The following ATP11B variants were observed in gnomAD, a reference collection of about 807,000 sequenced individuals.
The protein encoded by ATP11B is ATPase phospholipid transporting 11B (putative), also known as phospholipid-transporting ATPase IF.
ATP11B carries 81 observed loss-of-function variants against 157.8 expected under a neutral mutation model. The ratio of observed to expected loss-of-function variants is 0.51; its 90% confidence interval spans 0.43 to 0.62. The LOEUF is 0.62. Among genes scored for constraint, ATP11B ranks in the 20% least tolerant of loss-of-function variants. The pLI is 0.00. For synonymous variants in ATP11B, 451 were observed against 469.4 expected, an observed-to-expected ratio of 0.96 and a Z score of 0.51; for missense variants, 1,165 against 1,402.2, an observed-to-expected ratio of 0.83 and a Z score of 2.70.
intron 29 of ATP11B, chr3:182,916,220 G>C: frequency 1.0e-6 from 1 of 985,250 alleles, no homozygotes; most frequent in South Asian, 4.7e-5. Flanking sequence ...TTTCCATTGT[G>C]ACTTTAGAGT....
intron 10 of ATP11B, among the ~76,000 whole-genome samples, chr3:182,850,798 G>T (rs188819088): frequency 6.6e-6 from 1 of 152,012 alleles, no homozygotes; most frequent in Non-Finnish European, 1.5e-5. Flanking sequence ...GTTTATTGCA[G>T]CACTATTCAT....
At chr3:182,897,604 T>TA (rs1723644835) in intron 27 of ATP11B, among the ~76,000 whole-genome samples, 198 bp downstream of exon 27, 1 of 152,006 alleles carries the variant, frequency 6.6e-6, no homozygotes, top group African/African-American at 2.4e-5. Flanking sequence ...AGATTTTTTT[T>TA]ATATAAGATA....
intron 29 of ATP11B, chr3:182,915,106 T>TA (rs1725053938): frequency 2.0e-6 from 2 of 985,254 alleles, no homozygotes; most frequent in African/African-American, 1.7e-5. Flanking sequence ...CTTTGTGTTT[T>TA]AAAAAAATGA....
intron 7 of ATP11B, among the ~76,000 whole-genome samples, chr3:182,838,134 C>G (rs990947448): frequency 6.6e-6 from 1 of 151,836 alleles, no homozygotes; most frequent in Non-Finnish European, 1.5e-5. Context: ...GAGGTTTTCT[C>G]TATGTGATGT....
intron 10 of ATP11B, among the ~76,000 whole-genome samples, chr3:182,854,127 A>T (rs1323039438): frequency 6.6e-6 from 1 of 152,226 alleles, no homozygotes; most frequent in Non-Finnish European, 1.5e-5. Flanking sequence ...GTACTCCAAA[A>T]AGTTTTGAAA....
chr3:182,851,164 C>T (rs1463106558), intron 10 of ATP11B, among the ~76,000 whole-genome samples: 5 of 152,062 alleles, frequency 3.3e-5, no homozygotes, highest in Non-Finnish European at 5.9e-5. Context: ...TGGTAGTGTG[C>T]GCCTGTAGTC....
rs893744875 is a variant in ATP11B, at chr3:182,921,258, ATTAAT to A, written c.*3157_*3161del. The A allele has an allele frequency of 6.6e-6, 1 of 152,230 alleles. No individual in the cohort carries two copies. Among genetic ancestry groups the A allele is most frequent in the African/African-American group, 2.4e-5 (1 of 41,476 alleles). 9.4% of individuals were successfully genotyped at this position (152,230 alleles called of 1,614,324 possible). On this transcript the variant is annotated 3_prime_UTR_variant, in exon 30 of 30. Transcript: ENST00000323116. ...CAAAGAGTTACGTAAAACATGTTTTATTAATTTTGGTCCCCACGTACAGACATTTT... is the reference window on the plus strand; with the variant it reads ...CAAAGAGTTACGTAAAACATGTTTTATTTGGTCCCCACGTACAGACATTTT...
rs564708285 is a variant in ATP11B at position 182,802,888 on chromosome 3, T to G, written c.27+9102T>G. Among the ~76,000 whole-genome samples, 11 of 152,318 alleles carry G rather than the reference T, an allele frequency of 7.2e-5. No individual in the cohort carries two copies. The East Asian group carries it at 2.1e-3, about 29-fold the overall frequency. ...ACACCATTTCTTTCTCATGTATTGA[T>G]GAATTGAGTCATTTTCTGTAAGTGA... On this transcript the variant is annotated intron_variant, in intron 1 of 29. Transcript: ENST00000323116.
At chr3:182,886,263 T>G (rs1339728977) in intron 23 of ATP11B, among the ~76,000 whole-genome samples, 1 of 152,130 alleles carries the variant, frequency 6.6e-6, no homozygotes, top group African/African-American at 2.4e-5. Context: ...TAATAACCCT[T>G]AACAGCTTAT....
At chr3:182,836,978 C>A in intron 6 of ATP11B, 93 bp from the exon 7 acceptor site, 1 of 820,524 alleles carries the variant, frequency 1.2e-6, no homozygotes, top group South Asian at 1.6e-5. Flanking sequence ...TACAGTATGC[C>A]ATTACTTTAC....
intron 1 of ATP11B, among the ~76,000 whole-genome samples, chr3:182,818,759 GT>G (rs1392177946): frequency 2.0e-5 from 3 of 152,108 alleles, no homozygotes; most frequent in Non-Finnish European, 4.4e-5. Context: ...AGGATGCTAA[GT>G]GTTGAATGGT....
chr3:182,850,885 A>T (rs1719923807), intron 10 of ATP11B, among the ~76,000 whole-genome samples: 2 of 152,242 alleles, frequency 1.3e-5, no homozygotes, highest in African/African-American at 4.8e-5. Flanking sequence ...TACCTAAAAA[A>T]AAAGGTATAC....
chr3:182,878,772 A>G (rs780745868), intron 19 of ATP11B, among the ~76,000 whole-genome samples: 74 of 152,114 alleles, frequency 4.9e-4, no homozygotes, highest in Non-Finnish European at 6.2e-4. Context: ...CTTGCTTGTT[A>G]TGCATATCGT....
intron 19 of ATP11B, among the ~76,000 whole-genome samples, chr3:182,877,007 T>C (rs1198570159): frequency 2.0e-5 from 3 of 152,202 alleles, no homozygotes; most frequent in Admixed American, 6.5e-5. Context: ...GCACAAAGAA[T>C]TTCATGCCTT....
intron 12 of ATP11B, among the ~76,000 whole-genome samples, chr3:182,862,782 T>G (rs1408215046): frequency 6.6e-6 from 1 of 151,946 alleles, no homozygotes; most frequent in African/African-American, 2.4e-5. Context: ...TTCCCTCTCA[T>G]GCTGACTTTT....
At chr3:182,895,769 T>C (rs1002748126) in intron 25 of ATP11B, among the ~76,000 whole-genome samples, 2 of 151,802 alleles carry the variant, frequency 1.3e-5, no homozygotes, top group Non-Finnish European at 2.9e-5. Flanking sequence ...GCGGGAGGGG[T>C]CTGGGCAGTA....
At chr3:182,843,176 A>G (rs962947318) in intron 8 of ATP11B, among the ~76,000 whole-genome samples, 8 of 152,172 alleles carry the variant, frequency 5.3e-5, no homozygotes, top group African/African-American at 1.9e-4. Flanking sequence ...TTCTCCATTA[A>G]TACCCAAACT....
intron 11 of ATP11B, 27 bp downstream of exon 11, chr3:182,858,055 C>T: frequency 6.3e-7 from 1 of 1,583,680 alleles, no homozygotes; most frequent in Non-Finnish European, 8.6e-7. Context: ...TTGACTGTGT[C>T]ATAAAGGAAA....
intron 1 of ATP11B, among the ~76,000 whole-genome samples, chr3:182,804,449 G>T (rs532633403): frequency 3.3e-5 from 5 of 151,950 alleles, no homozygotes; most frequent in African/African-American, 7.3e-5. Flanking sequence ...GTTTCACCAT[G>T]GTCTTGATCT....
Sources: gnomAD v4.1 joint callset for allele counts (sites outside exome capture counted in the v4.1 genomes callset) on GRCh38, gnomAD v4.1.1 for gene constraint, MANE v1.5 for transcripts, NCBI Gene and HGNC (gene_info 2026-07-23, HGNC 2026-07-21) for gene names.